Variants in GALNT13 observed in about 807,000 individuals in gnomAD.
GALNT13 encodes polypeptide N-acetylgalactosaminyltransferase 13.
Under a neutral mutation model 64.2 loss-of-function variants are expected in GALNT13, and 28 were observed. That is an observed-to-expected ratio of 0.44 (90% CI 0.32 to 0.60). The LOEUF (loss-of-function observed/expected upper bound fraction) is 0.60. Ranked by LOEUF, GALNT13 falls within the 20% of genes least tolerant of loss-of-function variation. GALNT13 has a pLI of 0.05. For missense variants in GALNT13, 577 were observed against 669.8 expected (o/e 0.86, Z 1.53); for synonymous variants, 214 against 224.6 (o/e 0.95, Z 0.42).
intron 8 of GALNT13, among the ~76,000 whole-genome samples, chr2:154,262,330 T>C (rs973794217): frequency 5.9e-5 from 9 of 152,130 alleles, no homozygotes; most frequent in Admixed American, 3.9e-4. Flanking sequence ...GATGGTATTA[T>C]TAGGAGAAAG....
the GALNT13 span, among the ~76,000 whole-genome samples, chr2:153,677,275 C>T: frequency 7.6e-6 from 1 of 131,940 alleles, no homozygotes; most frequent in Non-Finnish European, 1.6e-5. Flanking sequence ...ATCCTATTCA[C>T]AATAGACATA....
At chr2:153,437,244 A>C in the GALNT13 span, among the ~76,000 whole-genome samples, 1 of 152,220 alleles carries the variant, frequency 6.6e-6, no homozygotes, top group East Asian at 1.9e-4. Context: ...CTTTACTTCC[A>C]ACTATGTGGT....
chr2:154,270,996 T>C (rs941684693), intron 8 of GALNT13, among the ~76,000 whole-genome samples: 2 of 151,974 alleles, frequency 1.3e-5, no homozygotes, highest in Admixed American at 6.6e-5. Flanking sequence ...ATTTGAATTA[T>C]GTTAGCATTC....
chr2:153,593,664 G>A, the GALNT13 span, among the ~76,000 whole-genome samples: 1 of 152,098 alleles, frequency 6.6e-6, no homozygotes. Context: ...GTATCAGGGT[G>A]GTGGGAAAGA....
chr2:153,575,654 C>A, the GALNT13 span, among the ~76,000 whole-genome samples: 2 of 152,146 alleles, frequency 1.3e-5, no homozygotes, highest in African/African-American at 2.4e-5. Flanking sequence ...GCCACTGCCA[C>A]CACAGGCCAC....
At chr2:153,773,772 T>C in the GALNT13 span, among the ~76,000 whole-genome samples, 92 of 152,282 alleles carry the variant, frequency 6.0e-4, no homozygotes, top group Non-Finnish European at 1.1e-3. Context: ...AAAGGTAGAA[T>C]GGAGAGATTT....
the GALNT13 span, among the ~76,000 whole-genome samples, chr2:153,688,578 T>A: frequency 6.6e-6 from 1 of 151,960 alleles, no homozygotes; most frequent in Non-Finnish European, 1.5e-5. Flanking sequence ...ACAACATAGG[T>A]TTTTCTCTTG....
At chr2:153,161,068 T>C in the GALNT13 span, among the ~76,000 whole-genome samples, 2 of 152,294 alleles carry the variant, frequency 1.3e-5, no homozygotes, top group South Asian at 2.1e-4. Flanking sequence ...TTGAACCACA[T>C]TGTTCTAGAC....
the GALNT13 span, among the ~76,000 whole-genome samples, chr2:153,554,805 C>T: frequency 2.0e-5 from 3 of 152,096 alleles, no homozygotes; most frequent in African/African-American, 7.2e-5. Flanking sequence ...TAATTTAAGT[C>T]GGATCCTCCT....
intron 9 of GALNT13, among the ~76,000 whole-genome samples, chr2:154,342,384 C>T (rs1695819666): frequency 6.6e-6 from 1 of 152,046 alleles, no homozygotes; most frequent in Admixed American, 6.6e-5. Context: ...TAATCTTAAA[C>T]TCCTTAAATC....
Position 153,923,943 on chromosome 2 carries a change from A to T in GALNT13, c.-104-20451A>T, listed in dbSNP as rs563351142. Among the ~76,000 whole-genome samples, 11 of 152,142 alleles carry T rather than the reference A, an allele frequency of 7.2e-5. No homozygotes were observed. In the East Asian group the frequency reaches 2.1e-3, roughly 29 times the overall value. On this transcript the variant is annotated intron_variant, in intron 2 of 12. Transcript: ENST00000392825. Reference sequence around the variant, plus strand: ...ATTTTCTTAATCCAGCCTATCATTGATGGACATTTGGGTTGGTTCCAAGTC... The same window carrying T: ...ATTTTCTTAATCCAGCCTATCATTGTTGGACATTTGGGTTGGTTCCAAGTC...
chr2:153,583,378 A>T, the GALNT13 span, among the ~76,000 whole-genome samples: 1 of 152,234 alleles, frequency 6.6e-6, no homozygotes, highest in Admixed American at 6.5e-5. Flanking sequence ...TTATCCACTT[A>T]GAAGAACCAA....
At chr2:153,837,164 C>T in the GALNT13 span, among the ~76,000 whole-genome samples, 2 of 152,058 alleles carry the variant, frequency 1.3e-5, no homozygotes, top group South Asian at 2.1e-4. Flanking sequence ...ACCTCTCCAG[C>T]ACCTGTTGTT....
chr2:154,310,021 G>T (rs1042499187), intron 9 of GALNT13, among the ~76,000 whole-genome samples: 1 of 152,128 alleles, frequency 6.6e-6, no homozygotes, highest in Non-Finnish European at 1.5e-5. Context: ...GGGTCTCCAA[G>T]CTTAACATGC....
At chr2:154,259,968 G>T (rs2105902968) in intron 8 of GALNT13, among the ~76,000 whole-genome samples, 1 of 152,222 alleles carries the variant, frequency 6.6e-6, no homozygotes, top group South Asian at 2.1e-4. Flanking sequence ...CTGCAGCCTA[G>T]ACCTCCAGGG....
At chr2:153,980,590 T>C (rs1465476225) in intron 3 of GALNT13, among the ~76,000 whole-genome samples, 1 of 152,006 alleles carries the variant, frequency 6.6e-6, no homozygotes, top group Admixed American at 6.6e-5. Context: ...CTTGGATAGG[T>C]TGCACTTGAT....
chr2:154,201,152 C>T (rs1253919616), intron 4 of GALNT13, among the ~76,000 whole-genome samples: 2 of 152,024 alleles, frequency 1.3e-5, no homozygotes, highest in East Asian at 1.9e-4. Context: ...TTGTGGTCAG[C>T]CTACAAAGAG....
chr2:153,916,506 T>C (rs184111631), intron 2 of GALNT13, among the ~76,000 whole-genome samples: 7 of 105,252 alleles, frequency 6.7e-5, no homozygotes, highest in Non-Finnish European at 1.2e-4. Flanking sequence ...AATGCACAGG[T>C]TCTAACATCA....
At chr2:153,313,783 A>G in the GALNT13 span, among the ~76,000 whole-genome samples, 3 of 152,240 alleles carry the variant, frequency 2.0e-5, no homozygotes, top group Non-Finnish European at 4.4e-5. Flanking sequence ...GTAAATAGAA[A>G]TATTAACACT....
Sources: allele counts gnomAD v4.1 joint callset (sites outside exome capture counted in the v4.1 genomes callset), GRCh38; gene constraint gnomAD v4.1.1; transcripts MANE v1.5; gene names NCBI Gene and HGNC (gene_info 2026-07-23, HGNC 2026-07-21).